The following PCNX2 variants were observed in gnomAD, a reference collection of about 807,000 sequenced individuals.
PCNX2 encodes the protein pecanex 2.
Under a neutral mutation model 223.8 loss-of-function variants are expected in PCNX2, and 168 were observed. The observed-to-expected ratio is 0.75, with a 90% CI of 0.66 to 0.85. PCNX2 has a LOEUF of 0.85. Among genes scored for constraint, PCNX2 ranks in the 40% least tolerant of loss-of-function variants. The pLI is 0.00. For synonymous variants in PCNX2, 1,006 were observed against 1,052.6 expected, an observed-to-expected ratio of 0.96 and a Z score of 0.86; for missense variants, 2,507 against 2,675.5, an observed-to-expected ratio of 0.94 and a Z score of 1.39.
intron 19 of PCNX2, among the ~76,000 whole-genome samples, chr1:233,154,912 T>C (rs1158408995): frequency 2.6e-5 from 4 of 151,830 alleles, no homozygotes; most frequent in Non-Finnish European, 5.9e-5. Context: ...CTACTAAAAG[T>C]ACAAAAATTA....
intron 1 of PCNX2, chr1:233,288,879 G>A: frequency 1.5e-6 from 2 of 1,330,228 alleles, no homozygotes; most frequent in Non-Finnish European, 2.1e-6. Context: ...TTGAAACTCT[G>A]GGAATTCAAA....
At chr1:232,988,269 A>ATC (rs1378298836) in intron 32 of PCNX2, among the ~76,000 whole-genome samples, 186 of 152,274 alleles carry the variant, frequency 1.2e-3, no homozygotes, top group Non-Finnish European at 2.0e-3. Flanking sequence ...ATAGAAGACC[A>ATC]CCCATACTTG....
chr1:233,046,839 T>A (rs1238349865), intron 25 of PCNX2, among the ~76,000 whole-genome samples: 1 of 152,206 alleles, frequency 6.6e-6, no homozygotes, highest in Non-Finnish European at 1.5e-5. Context: ...CTCCCTGTAA[T>A]CATACCACTG....
chr1:233,310,085 G>C, the PCNX2 span, among the ~76,000 whole-genome samples: 1 of 152,006 alleles, frequency 6.6e-6, no homozygotes, highest in Non-Finnish European at 1.5e-5. Flanking sequence ...CATTCTCAGA[G>C]CACTCACAGA....
intron 15 of PCNX2, among the ~76,000 whole-genome samples, chr1:233,188,251 G>A (rs1364885412): frequency 6.6e-6 from 1 of 152,134 alleles, no homozygotes; most frequent in Non-Finnish European, 1.5e-5. Context: ...GCAGAGCTCA[G>A]CTCCCCCTGG....
At chr1:233,228,888 A>T (rs1657895729) in intron 9 of PCNX2, among the ~76,000 whole-genome samples, 1 of 152,216 alleles carries the variant, frequency 6.6e-6, no homozygotes, top group African/African-American at 2.4e-5. Flanking sequence ...GCACTTTTCC[A>T]ACATGGATTT....
chr1:233,017,471 C>G (rs942844394), intron 26 of PCNX2, among the ~76,000 whole-genome samples: 13 of 152,004 alleles, frequency 8.6e-5, no homozygotes, highest in African/African-American at 3.1e-4. Flanking sequence ...GCGCCCGCCA[C>G]CACGCCCAGC....
the PCNX2 span, among the ~76,000 whole-genome samples, chr1:233,322,995 T>C: frequency 2.0e-5 from 3 of 152,196 alleles, no homozygotes; most frequent in Admixed American, 6.5e-5. Context: ...TCATTTCATA[T>C]CATTAATATC....
At chr1:233,113,022 G>A in intron 21 of PCNX2, 1 of 1,287,418 alleles carries the variant, frequency 7.8e-7, no homozygotes, top group African/African-American at 1.5e-5. Flanking sequence ...TTTAAGGGAT[G>A]TGTAGGTTCT....
At chr1:233,212,787 T>G (rs1321200777) in intron 12 of PCNX2, among the ~76,000 whole-genome samples, 2 of 152,240 alleles carry the variant, frequency 1.3e-5, no homozygotes, top group Non-Finnish European at 2.9e-5. Flanking sequence ...AAGACACAAT[T>G]GAATATTATT....
chr1:233,264,608 G>T (rs1203622303), intron 1 of PCNX2, among the ~76,000 whole-genome samples: 3 of 152,142 alleles, frequency 2.0e-5, no homozygotes, highest in African/African-American at 7.2e-5. Context: ...TATGTCATGG[G>T]GGGAAAAGTC....
In PCNX2 at chr1:233,141,484, T is replaced by C. The variant is rs537573812; in HGVS notation, c.3518-1629A>G. Among the ~76,000 whole-genome samples, 23 of 152,238 alleles carry C rather than the reference T, an allele frequency of 1.5e-4. No individual in the cohort carries two copies. The East Asian group carries it at 3.9e-3, about 26-fold the overall frequency. On this transcript the variant is annotated intron_variant, in intron 19 of 33. Coordinates refer to ENST00000258229, the MANE Select transcript of PCNX2 (RefSeq NM_014801.4). ...GAGTTGGAGACCAGCCTGGCCAACA[T>C]GGCGAAATCCGACTCTACTAAAAAT...
chr1:233,245,157 T>C (rs1659033802), intron 8 of PCNX2, among the ~76,000 whole-genome samples: 1 of 152,278 alleles, frequency 6.6e-6, no homozygotes, highest in Non-Finnish European at 1.5e-5. Flanking sequence ...TTTCCAATGA[T>C]TCATTTGATT....
At position 233,025,386 on chromosome 1, in the gene PCNX2, C is replaced by T. The variant is rs1346191001; in HGVS notation, c.4365G>A (p.Gln1455=). The T allele has an allele frequency of 5.0e-6, 8 of 1,613,910 alleles. No individual in the cohort carries two copies. The highest frequency in any genetic ancestry group is 1.7e-5 in the Admixed American group (1 of 60,016). The part of the protein sequence containing the change: ...RGLEFRGTYC[Q]QREVEAIMEG... ...CCATGATGGCTTCTACCTCCCTCTG[C>T]TGGCAGTAGGTTCCTGGCCGAGCAC... is the stretch of plus-strand genomic sequence containing the variant. Residue 1455 remains glutamine (Q), a synonymous_variant, in exon 26 of 34, where the codon CAG becomes CAA. Transcript: ENST00000258229.
the PCNX2 span, among the ~76,000 whole-genome samples, chr1:233,301,236 G>C: frequency 1.3e-5 from 2 of 152,092 alleles, no homozygotes; most frequent in African/African-American, 4.8e-5. Flanking sequence ...AAGAAAACAA[G>C]AAAGGTCCTT....
intron 21 of PCNX2, among the ~76,000 whole-genome samples, chr1:233,117,357 C>G (rs1469736028): frequency 6.6e-6 from 1 of 150,774 alleles, no homozygotes; most frequent in African/African-American, 2.4e-5. Flanking sequence ...CCCGGCCTGG[C>G]GCGGTTGCTC....
chr1:233,289,160 A>G (rs966761419), intron 1 of PCNX2: 2 of 839,048 alleles, frequency 2.4e-6, no homozygotes, highest in Non-Finnish European at 4.2e-6. Context: ...TTCTCCTTTA[A>G]GCGATAAAGA....
intron 25 of PCNX2, among the ~76,000 whole-genome samples, chr1:233,027,607 A>G (rs1244695932): frequency 1.3e-5 from 2 of 152,156 alleles, no homozygotes; most frequent in Non-Finnish European, 2.9e-5. Flanking sequence ...TATATTCATC[A>G]GTTTTTTCTA....
intron 15 of PCNX2, among the ~76,000 whole-genome samples, chr1:233,182,241 C>T (rs529960500): frequency 3.3e-5 from 5 of 152,328 alleles, no homozygotes; most frequent in South Asian, 2.1e-4. Context: ...CACTTGATGA[C>T]GGACACCTGA....
Sources: gnomAD v4.1 joint callset for allele counts (sites outside exome capture counted in the v4.1 genomes callset) on GRCh38, gnomAD v4.1.1 for gene constraint, MANE v1.5 for transcripts, NCBI Gene and HGNC (gene_info 2026-07-23, HGNC 2026-07-21) for gene names.